Variants in ZMYM2 observed in about 807,000 individuals in gnomAD.
The protein encoded by ZMYM2 is zinc finger MYM-type containing 2, also known as zinc finger MYM-type protein 2.
A neutral mutation model predicts 162.8 loss-of-function variants in ZMYM2; 56 were observed. The observed-to-expected ratio is 0.34, with a 90% confidence interval of 0.28 to 0.43. ZMYM2 has a LOEUF of 0.43. Ranked by LOEUF, ZMYM2 falls within the 20% of genes least tolerant of loss-of-function variation. The probability of loss-of-function intolerance (pLI) is 1.00; values close to 1 mark genes in which losing one functional copy is unlikely to be tolerated. For missense variants in ZMYM2, 1,275 were observed against 1,621.8 expected, an observed-to-expected ratio of 0.79 and a Z score of 3.67; for synonymous variants, 510 against 541.6, an observed-to-expected ratio of 0.94 and a Z score of 0.81.
intron 2 of ZMYM2, among the ~76,000 whole-genome samples, chr13:19,971,244 G>GTGTGTGTGTATATATA (rs5802035): frequency 2.0e-5 from 1 of 50,132 alleles, no homozygotes; most frequent in African/African-American, 6.6e-5. Context: ...GTGTGTGTGT[G>GTGTGTGTGTATATATA]TATATATATA....
At chr13:20,052,347 T>A in intron 14 of ZMYM2, 36 bp downstream of exon 14, 1 of 1,543,146 alleles carries the variant, frequency 6.5e-7, no homozygotes, top group Non-Finnish European at 8.7e-7. Context: ...GAATTGTGAT[T>A]TTTGTAATAT....
chr13:19,932,746 GAA>G, the ZMYM2 span, among the ~76,000 whole-genome samples: 1 of 152,104 alleles, frequency 6.6e-6, no homozygotes. Flanking sequence ...TACAAGTCAG[GAA>G]AAGAGTTCTC....
At chr13:19,986,171 TAGGCAATAG>T (rs1949120515) in intron 2 of ZMYM2, among the ~76,000 whole-genome samples, 1 of 151,516 alleles carries the variant, frequency 6.6e-6, no homozygotes, top group South Asian at 2.1e-4. Flanking sequence ...CTCTCCAGCC[TAGGCAATAG>T]AGCCAGACTC....
chr13:19,873,393 T>TTTAA, the ZMYM2 span, among the ~76,000 whole-genome samples: 13,434 of 148,596 alleles, frequency 0.09, 755 homozygotes, highest in Non-Finnish European at 0.12. Flanking sequence ...TATTTATTTA[T>TTTAA]TTATTTATTT....
At chr13:19,959,193 ACGGCGGGG>A (rs1180844321) in intron 1 of ZMYM2, among the ~76,000 whole-genome samples, 1 of 140,588 alleles carries the variant, frequency 7.1e-6, no homozygotes, top group East Asian at 2.2e-4. Flanking sequence ...GGACGGCGGG[ACGGCGGGG>A]CGGGGGTGCC....
intron 12 of ZMYM2, among the ~76,000 whole-genome samples, chr13:20,037,213 ATTTTTTTTTTT>A (rs754909177): frequency 1.1e-5 from 1 of 90,382 alleles, no homozygotes; most frequent in Non-Finnish European, 2.1e-5. Context: ...ACTAAGTAGA[ATTTTTTTTTTT>A]TTTTTTTTTT....
At position 20,054,768 on chromosome 13, in the gene ZMYM2, A is replaced by T. The variant is rs181817560; in HGVS notation, c.2493+2457A>T. Among the ~76,000 whole-genome samples, 173 of 152,358 alleles carry T rather than the reference A, an allele frequency of 1.1e-3. 1 individual carries two copies. In the Middle Eastern group the frequency reaches 0.017, roughly 15 times the overall value. On this transcript the variant is annotated intron_variant, in intron 14 of 24. Coordinates refer to ENST00000610343, the MANE Select transcript of ZMYM2 (RefSeq NM_197968.4). Reference sequence around the variant, plus strand: ...AACATTGAGCAATCCCAGGACATCTATGACTTTAGATCCTCTCTTCTGGGA... The same window carrying T: ...AACATTGAGCAATCCCAGGACATCTTTGACTTTAGATCCTCTCTTCTGGGA...
At position 20,026,652 on chromosome 13, in the gene ZMYM2, A is replaced by G. The variant is rs748577507; in HGVS notation, c.1625A>G (p.Gln542Arg). The G allele has an allele frequency of 3.1e-6, 5 of 1,609,134 alleles. No individual in the cohort carries two copies. In the Admixed American group the frequency reaches 8.5e-5, roughly 27 times the overall value. The change falls in exon 8 of 25, where the codon CAG becomes CGG. Residue 542 changes from glutamine to arginine, a missense_variant. This residue lies in a region of ZMYM2 where 276 missense variants were observed against 311.8 expected (regional missense o/e 0.89). Coordinates refer to ENST00000610343, the MANE Select transcript of ZMYM2 (RefSeq NM_197968.4). ...ACAACTTGTACTGGTTGCCGAACACAGTGCAGGTTTTTTGATATGACTCAG... is the reference window on the plus strand; with the variant it reads ...ACAACTTGTACTGGTTGCCGAACACGGTGCAGGTTTTTTGATATGACTCAG... ...KLTTCTGCRT[Q>R]CRFFDMTQCI...
At chr13:19,882,967 A>G in the ZMYM2 span, among the ~76,000 whole-genome samples, 2 of 152,234 alleles carry the variant, frequency 1.3e-5, no homozygotes, top group African/African-American at 4.8e-5. Context: ...TTTATACAGT[A>G]CTATTCACAG....
chr13:19,942,317 C>G, the ZMYM2 span, among the ~76,000 whole-genome samples: 1 of 148,876 alleles, frequency 6.7e-6, no homozygotes, highest in African/African-American at 2.5e-5. Context: ...ACATATTATA[C>G]TAGGATACAA....
rs777057403 is a variant in ZMYM2, at chr13:19,993,116, C to A, written c.44C>A (p.Thr15Asn). 1.2e-5 allele frequency: 19 copies of A among 1,613,794 alleles called. No individual in the cohort carries two copies. Among genetic ancestry groups the A allele is most frequent in the Non-Finnish European group, 1.4e-5 (17 of 1,179,896 alleles). ...GGAGGATTAGAATTGACTGATCAGA[C>A]TCCTGTTTTATTAGGGAGTACGGCC... The part of the protein sequence containing the change: ...SVGGLELTDQ[T>N]PVLLGSTAMA... The change falls in exon 3 of 25, where the codon ACT becomes AAT. Residue 15 changes from threonine to asparagine, a missense_variant. Thr to Asn is a moderately conservative substitution (Grantham distance 65). This residue lies in a region of ZMYM2 where 295 missense variants were observed against 286.7 expected (regional missense o/e 1.03). Coordinates refer to ENST00000610343, the MANE Select transcript of ZMYM2 (RefSeq NM_197968.4).
chr13:19,937,378 TC>T, the ZMYM2 span, among the ~76,000 whole-genome samples: 1 of 150,942 alleles, frequency 6.6e-6, no homozygotes, highest in South Asian at 2.1e-4. Flanking sequence ...GACCTCGTGA[TC>T]CGCCCGCCTC....
intron 12 of ZMYM2, among the ~76,000 whole-genome samples, chr13:20,040,206 C>T (rs575934137): frequency 5.3e-5 from 8 of 152,262 alleles, no homozygotes; most frequent in African/African-American, 1.7e-4. Flanking sequence ...TGTTGTGAAT[C>T]CATCTGGTCC....
At chr13:19,910,159 G>A in the ZMYM2 span, among the ~76,000 whole-genome samples, 9 of 151,936 alleles carry the variant, frequency 5.9e-5, no homozygotes, top group South Asian at 2.1e-4. Context: ...CCCGGGAGGC[G>A]GAGCTTGCAG....
chr13:19,957,543 T>G (rs974717949), upstream of ZMYM2, among the ~76,000 whole-genome samples: 1 of 152,222 alleles, frequency 6.6e-6, no homozygotes, highest in Non-Finnish European at 1.5e-5. Context: ...AGGTGGCCTG[T>G]GGGGCCCGCC....
intron 3 of ZMYM2, among the ~76,000 whole-genome samples, chr13:19,998,954 A>G (rs1950203558): frequency 6.6e-6 from 1 of 152,194 alleles, no homozygotes; most frequent in Admixed American, 6.5e-5. Context: ...GAGTAGTAGA[A>G]ATTAGAAGTG....
chr13:20,067,361 A>G lies in ZMYM2; in HGVS notation c.3424A>G (p.Ile1142Val), dbSNP rs374623710. ...PNGENYAPDS[I>V]YYLCLGIQEY... ...TGGAGAGAATTATGCACCTGACAGC[A>G]TCTATTACCTTTGCCTTGGAATACA... is the stretch of plus-strand genomic sequence containing the variant. The change falls in exon 21 of 25, where the codon ATC (isoleucine) becomes GTC (valine). Residue 1142 changes from isoleucine (I) to valine (V), a missense_variant. Transcript: ENST00000610343. The G allele has an allele frequency of 4.4e-5, 71 of 1,610,570 alleles. No homozygotes were observed. Among genetic ancestry groups the G allele is most frequent in the Non-Finnish European group, 4.1e-5 (48 of 1,178,062 alleles).
chr13:19,999,204 C>T (rs1420273562), intron 3 of ZMYM2, among the ~76,000 whole-genome samples: 2 of 152,168 alleles, frequency 1.3e-5, no homozygotes, highest in African/African-American at 2.4e-5. Flanking sequence ...AGGCATACCT[C>T]ATTTTATAGT....
the ZMYM2 span, chr13:19,864,489 G>A: frequency 1.3e-5 from 2 of 154,898 alleles, no homozygotes; most frequent in South Asian, 2.0e-4. Flanking sequence ...CGGGCGCGAC[G>A]GTGGAGACAC....
Sources: allele counts gnomAD v4.1 joint callset (sites outside exome capture counted in the v4.1 genomes callset), GRCh38; gene constraint gnomAD v4.1.1; regional missense constraint gnomAD v4.1.1; transcripts MANE v1.5; gene names NCBI Gene and HGNC (gene_info 2026-07-23, HGNC 2026-07-21).